MYO3A: variants seen among roughly 807,000 people sequenced by gnomAD.
MYO3A encodes the protein myosin-IIIa.
In MYO3A, 180 loss-of-function variants were observed where a neutral mutation model predicts 192.7. The observed-to-expected ratio is 0.93, with a 90% confidence interval of 0.83 to 1.06. MYO3A has a LOEUF of 1.06. MYO3A is among the 50% of genes least tolerant of loss of function. The pLI is 0.00. For missense variants in MYO3A, 1,896 were observed against 1,905.0 expected (o/e 1.00, Z 0.09); for synonymous variants, 628 against 645.3 (o/e 0.97, Z 0.41).
At position 25,994,342 on chromosome 10, in the gene MYO3A, A is replaced by C. The variant is rs1229901590; in HGVS notation, c.304-2148A>C. On this transcript the variant is annotated intron_variant, in intron 4 of 34. Coordinates refer to ENST00000642920, the MANE Select transcript of MYO3A (RefSeq NM_017433.5). ...CAGAGACTAGGATTGCAACCCCTGC[A>C]TTTTTTTGTTTTCCATTTGCTTGGT... is the stretch of plus-strand genomic sequence containing the variant. 5.9e-5 allele frequency among the ~76,000 whole-genome samples: 9 copies of C among 151,780 alleles called. No homozygotes were observed. In the Middle Eastern group the frequency reaches 0.01, roughly 172 times the overall value.
intron 17 of MYO3A, among the ~76,000 whole-genome samples, chr10:26,102,897 G>A (rs7904870): frequency 0.48 from 73,741 of 152,046 alleles, 18,567 homozygotes; most frequent in Middle Eastern, 0.59. Context: ...CTCAAACTCC[G>A]TGCTGGGAGA....
chr10:26,136,961 T>C (rs1045636593), intron 20 of MYO3A, among the ~76,000 whole-genome samples: 5 of 151,834 alleles, frequency 3.3e-5, no homozygotes, highest in Non-Finnish European at 5.9e-5. Flanking sequence ...GAGTTTGCAG[T>C]GAGCAGAGTT....
At chr10:26,049,046 G>C (rs1843806251) in intron 10 of MYO3A, among the ~76,000 whole-genome samples, 1 of 152,142 alleles carries the variant, frequency 6.6e-6, no homozygotes, top group Admixed American at 6.5e-5. Context: ...TGAGTGTTTT[G>C]GAGAGAATAG....
intron 34 of MYO3A, among the ~76,000 whole-genome samples, chr10:26,205,909 G>A (rs976086999): frequency 3.9e-5 from 6 of 151,992 alleles, no homozygotes; most frequent in South Asian, 2.1e-4. Flanking sequence ...GTGAGCCACC[G>A]TGCCCAGCCG....
intron 6 of MYO3A, among the ~76,000 whole-genome samples, chr10:26,006,717 T>G (rs1011211595): frequency 1.3e-5 from 2 of 150,928 alleles, no homozygotes; most frequent in African/African-American, 4.9e-5. Context: ...AATAACAGGC[T>G]CTGAAATTGT....
intron 29 of MYO3A, 72 bp downstream of exon 29, chr10:26,170,611 T>C: frequency 6.7e-7 from 1 of 1,493,576 alleles, no homozygotes; most frequent in Non-Finnish European, 9.1e-7. Context: ...TAGAATAATG[T>C]TCACAGCCTT....
At position 26,096,638 on chromosome 10, in the gene MYO3A, GAATT is replaced by G; in HGVS notation, c.1737_1740del (p.Ile580SerfsTer7). 3 of 1,604,234 alleles carry G rather than the reference GAATT, an allele frequency of 1.9e-6. No homozygotes were observed. Among genetic ancestry groups the G allele is most frequent in the Non-Finnish European group, 2.6e-6 (3 of 1,171,126 alleles). Reference sequence around the variant, plus strand: ...TAATAGTTTCTATAAATCCCAGTATGAATTAATTGAGCAATGTTTCAAAGTCATA... The same window carrying G: ...TAATAGTTTCTATAAATCCCAGTATGAATTGAGCAATGTTTCAAAGTCATA... On this transcript the variant is annotated frameshift_variant, in exon 17 of 35. Coordinates refer to ENST00000642920, the MANE Select transcript of MYO3A (RefSeq NM_017433.5). LOFTEE classifies it high-confidence loss of function.
intron 6 of MYO3A, among the ~76,000 whole-genome samples, chr10:26,013,791 G>T (rs1393575213): frequency 6.6e-6 from 1 of 152,026 alleles, no homozygotes; most frequent in African/African-American, 2.4e-5. Flanking sequence ...CAAAGGAAAA[G>T]AAGTCATTAT....
intron 17 of MYO3A, among the ~76,000 whole-genome samples, chr10:26,105,737 T>C (rs921459767): frequency 1.3e-5 from 2 of 152,092 alleles, no homozygotes; most frequent in African/African-American, 4.8e-5. Flanking sequence ...TTGTTCATAG[T>C]ATCTAGGTCT....
At chr10:26,070,293 TCA>T (rs1205457271) in intron 13 of MYO3A, 23 bp from the exon 14 acceptor site, 1 of 1,610,080 alleles carries the variant, frequency 6.2e-7, no homozygotes, top group African/African-American at 1.3e-5. Flanking sequence ...TAAGGTCTTC[TCA>T]CAGTTTTCTT....
At chr10:26,025,954 G>C (rs574992476) in intron 9 of MYO3A, among the ~76,000 whole-genome samples, 1 of 152,344 alleles carries the variant, frequency 6.6e-6, no homozygotes, top group East Asian at 1.9e-4. Flanking sequence ...GCCTTTAAAA[G>C]CATTTGTGAA....
intron 26 of MYO3A, among the ~76,000 whole-genome samples, chr10:26,164,910 C>G (rs1490729732): frequency 6.6e-6 from 1 of 152,158 alleles, no homozygotes; most frequent in East Asian, 1.9e-4. Context: ...TACTGGGTCA[C>G]CATGTGTACA....
In MYO3A at chr10:26,062,972, G is replaced by C. The variant is rs140642532; in HGVS notation, c.954-4003G>C. Among the ~76,000 whole-genome samples the C allele has an allele frequency of 5.5e-4, 84 of 152,322 alleles. No individual in the cohort carries two copies. The Middle Eastern group carries it at 0.01, about 19-fold the overall frequency. ...TGAGTTTGTATTAGCTCCCATTGAAGAAGAGGGAAAATAGATATTGGAAGC... is the reference window on the plus strand; with the variant it reads ...TGAGTTTGTATTAGCTCCCATTGAACAAGAGGGAAAATAGATATTGGAAGC... On this transcript the variant is annotated intron_variant, in intron 10 of 34. Transcript: ENST00000642920.
At chr10:25,960,623 GC>G (rs1837864155) in intron 4 of MYO3A, among the ~76,000 whole-genome samples, 1 of 152,172 alleles carries the variant, frequency 6.6e-6, no homozygotes, top group Non-Finnish European at 1.5e-5. Context: ...ATGAGGAAGA[GC>G]AAATATTTTT....
chr10:26,124,589 A>G (rs192104591), intron 18 of MYO3A, among the ~76,000 whole-genome samples: 4 of 152,292 alleles, frequency 2.6e-5, no homozygotes, highest in East Asian at 1.9e-4. Flanking sequence ...TAACCAAGAA[A>G]CATCTTGTCA....
chr10:26,123,631 A>T (rs372599163), intron 18 of MYO3A, among the ~76,000 whole-genome samples: 30 of 152,290 alleles, frequency 2.0e-4, no homozygotes, highest in African/African-American at 7.2e-4. Flanking sequence ...AATAGTATAT[A>T]TCAAAAAACT....
intron 30 of MYO3A, among the ~76,000 whole-genome samples, chr10:26,176,020 C>T (rs759123192): frequency 1.3e-5 from 2 of 152,108 alleles, no homozygotes; most frequent in Non-Finnish European, 2.9e-5. Context: ...GAAGGCCGGG[C>T]GCGGTGGCTC....
intron 17 of MYO3A, among the ~76,000 whole-genome samples, chr10:26,098,941 C>A (rs1370950922): frequency 6.6e-6 from 1 of 152,098 alleles, no homozygotes; most frequent in Non-Finnish European, 1.5e-5. Flanking sequence ...TTTTCCAATT[C>A]TGTGAAGAAA....
intron 31 of MYO3A, among the ~76,000 whole-genome samples, chr10:26,186,557 C>T (rs918186318): frequency 3.9e-5 from 6 of 152,168 alleles, no homozygotes; most frequent in Non-Finnish European, 5.9e-5. Flanking sequence ...TGAGCCACTG[C>T]GCCCAGCCAA....
Sources: gnomAD v4.1 joint callset for allele counts (sites outside exome capture counted in the v4.1 genomes callset) on GRCh38, gnomAD v4.1.1 for gene constraint, MANE v1.5 for transcripts, NCBI Gene and HGNC (gene_info 2026-07-23, HGNC 2026-07-21) for gene names.